Variants in SMYD3 observed in about 807,000 individuals in gnomAD.
SMYD3 encodes histone-lysine N-methyltransferase SMYD3.
SMYD3 carries 36 observed loss-of-function variants against 57.7 expected under a neutral mutation model. The observed-to-expected ratio is 0.62, with a 90% CI of 0.48 to 0.82. SMYD3 has a LOEUF of 0.82. Ranked by LOEUF, SMYD3 falls within the 40% of genes least tolerant of loss-of-function variation. The pLI is 0.00. For synonymous variants in SMYD3, 211 were observed against 195.0 expected (o/e 1.08, Z -0.68); for missense variants, 515 against 538.8 (o/e 0.96, Z 0.44).
chr1:246,041,000 C>T (rs1395555316), intron 5 of SMYD3, among the ~76,000 whole-genome samples: 1 of 152,198 alleles, frequency 6.6e-6, no homozygotes, highest in Non-Finnish European at 1.5e-5. Flanking sequence ...ACAGAACACA[C>T]ATACAATGGT....
chr1:245,812,721 AAG>A (rs2048546951), intron 10 of SMYD3, among the ~76,000 whole-genome samples: 8 of 144,520 alleles, frequency 5.5e-5, no homozygotes, highest in Non-Finnish European at 1.1e-4. Flanking sequence ...AAAAAAGAGA[AAG>A]AGCGAGCGAG....
chr1:246,070,639 T>TGA (rs2060427025), intron 5 of SMYD3, among the ~76,000 whole-genome samples: 1 of 152,108 alleles, frequency 6.6e-6, no homozygotes, highest in Non-Finnish European at 1.5e-5. Context: ...GTCAGAACCC[T>TGA]GATCAAAAAG....
chr1:245,810,081 T>C (rs1023490349), intron 10 of SMYD3, among the ~76,000 whole-genome samples: 5 of 152,260 alleles, frequency 3.3e-5, no homozygotes, highest in Non-Finnish European at 7.4e-5. Context: ...TCACCAAGTT[T>C]AACAGTTCTT....
chr1:245,916,962 A>G (rs1238474156), intron 7 of SMYD3, among the ~76,000 whole-genome samples: 1 of 151,432 alleles, frequency 6.6e-6, no homozygotes, highest in African/African-American at 2.4e-5. Context: ...AACAAAGTCA[A>G]TATTTAGAAA....
chr1:246,318,354 C>T (rs934879551), intron 5 of SMYD3, among the ~76,000 whole-genome samples: 2 of 152,086 alleles, frequency 1.3e-5, no homozygotes, highest in Non-Finnish European at 2.9e-5. Flanking sequence ...GCCTGGGTGA[C>T]AGAGCAAGAT....
chr1:245,950,960 G>A (rs979482193), intron 5 of SMYD3, among the ~76,000 whole-genome samples: 1 of 152,152 alleles, frequency 6.6e-6, no homozygotes, highest in Non-Finnish European at 1.5e-5. Flanking sequence ...TTCATCATTA[G>A]CCTGACAAGT....
intron 5 of SMYD3, among the ~76,000 whole-genome samples, chr1:245,977,884 C>G (rs2058491979): frequency 6.6e-6 from 1 of 152,144 alleles, no homozygotes; most frequent in Admixed American, 6.5e-5. Flanking sequence ...CTTACTTTCT[C>G]TGTGTTGTGT....
intron 5 of SMYD3, among the ~76,000 whole-genome samples, chr1:246,119,474 A>G (rs1218422184): frequency 6.8e-6 from 1 of 147,968 alleles, no homozygotes; most frequent in Non-Finnish European, 1.5e-5. Flanking sequence ...GTGTAGGGGC[A>G]TGATCTCTGC....
chr1:245,786,214 G>C (rs1254428124), intron 10 of SMYD3, among the ~76,000 whole-genome samples: 2 of 68,724 alleles, frequency 2.9e-5, no homozygotes, highest in Non-Finnish European at 4.7e-5. Flanking sequence ...GGGTGTGGAC[G>C]GGGGGGGGAT....
At chr1:246,034,969 A>G (rs2059745235) in intron 5 of SMYD3, among the ~76,000 whole-genome samples, 2 of 152,154 alleles carry the variant, frequency 1.3e-5, no homozygotes. Flanking sequence ...CTCCCCCAAT[A>G]TATGCAGACA....
intron 5 of SMYD3, among the ~76,000 whole-genome samples, chr1:246,277,831 G>C (rs1480906303): frequency 6.6e-6 from 1 of 152,142 alleles, no homozygotes; most frequent in Non-Finnish European, 1.5e-5. Flanking sequence ...GTCATCTATA[G>C]ATACAAAGCA....
chr1:246,247,485 ATT>A (rs138494796), intron 5 of SMYD3, among the ~76,000 whole-genome samples: 6,108 of 137,798 alleles, frequency 0.044, 201 homozygotes, highest in African/African-American at 0.069. Flanking sequence ...ATATATATAT[ATT>A]TTTTAACATG....
intron 1 of SMYD3, among the ~76,000 whole-genome samples, chr1:246,496,198 G>A (rs1207277620): frequency 7.9e-5 from 12 of 151,540 alleles, no homozygotes; most frequent in South Asian, 2.1e-4. Context: ...CACCACGCCC[G>A]GCTAATTTTG....
intron 5 of SMYD3, among the ~76,000 whole-genome samples, chr1:246,043,189 A>G (rs2059907788): frequency 6.6e-6 from 1 of 152,250 alleles, no homozygotes; most frequent in African/African-American, 2.4e-5. Flanking sequence ...CCTTTCATGT[A>G]AAAACAAGAC....
intron 5 of SMYD3, among the ~76,000 whole-genome samples, chr1:246,026,231 C>T (rs2059572467): frequency 6.6e-6 from 1 of 152,158 alleles, no homozygotes; most frequent in Non-Finnish European, 1.5e-5. Context: ...TTCTTTTGAC[C>T]TTCCCTAGGT....
At chr1:245,872,387 C>T (rs997744047) in intron 8 of SMYD3, among the ~76,000 whole-genome samples, 2 of 146,414 alleles carry the variant, frequency 1.4e-5, no homozygotes, top group African/African-American at 5.2e-5. Flanking sequence ...CTGGCCGACC[C>T]CAGGATGGAT....
At chr1:246,061,859 C>T (rs913086073) in intron 5 of SMYD3, among the ~76,000 whole-genome samples, 2 of 152,140 alleles carry the variant, frequency 1.3e-5, no homozygotes, top group South Asian at 2.1e-4. Flanking sequence ...ATTACAAAGA[C>T]GTGCATTGCC....
intron 5 of SMYD3, among the ~76,000 whole-genome samples, chr1:246,103,641 T>C (rs2061060772): frequency 6.6e-6 from 1 of 152,136 alleles, no homozygotes; most frequent in Non-Finnish European, 1.5e-5. Flanking sequence ...CCTTCTAGTC[T>C]CTCCCTTTCA....
In SMYD3 at chr1:246,186,171, TA is replaced by T. The variant is rs2062637220; in HGVS notation, c.531+141029del. Reference sequence around the variant, plus strand: ...GCAAAATAATGATTCTCAAAATTAATAAAACACATATAAAAGATTTAACTCA... The same window carrying T: ...GCAAAATAATGATTCTCAAAATTAATAAACACATATAAAAGATTTAACTCA... On this transcript the variant is annotated intron_variant, in intron 5 of 11. Transcript: ENST00000490107. Among the ~76,000 whole-genome samples the T allele has an allele frequency of 2.0e-5, 3 of 152,304 alleles. No individual in the cohort carries two copies. The South Asian group carries it at 6.2e-4, about 32-fold the overall frequency.
Sources: gnomAD v4.1 joint callset for allele counts (sites outside exome capture counted in the v4.1 genomes callset) on GRCh38, gnomAD v4.1.1 for gene constraint, MANE v1.5 for transcripts, NCBI Gene and HGNC (gene_info 2026-07-23, HGNC 2026-07-21) for gene names.